OXSR1: variants seen among roughly 807,000 people sequenced by gnomAD.
OXSR1 encodes the protein serine/threonine-protein kinase OSR1.
OXSR1 carries 24 observed loss-of-function variants against 79.8 expected under a neutral mutation model. That is an observed-to-expected ratio of 0.30 (90% CI 0.22 to 0.42). The LOEUF (loss-of-function observed/expected upper bound fraction) is 0.42. Ranked by LOEUF, OXSR1 falls within the 10% of genes least tolerant of loss-of-function variation. The pLI, the probability that OXSR1 is intolerant of heterozygous loss-of-function variation, is 1.00. For missense variants in OXSR1, 430 were observed against 618.4 expected, an observed-to-expected ratio of 0.70 and a Z score of 3.23; for synonymous variants, 226 against 209.2, an observed-to-expected ratio of 1.08 and a Z score of -0.69.
chr3:38,252,237 T>C, intron 16 of OXSR1, 91 bp from the exon 17 acceptor site: 1 of 882,340 alleles, frequency 1.1e-6, no homozygotes, highest in Non-Finnish European at 1.9e-6. Flanking sequence ...ACGGAGCATA[T>C]TCTTAACTAC....
intron 15 of OXSR1, 23 bp from the exon 16 acceptor site, chr3:38,251,380 C>G (rs745461922): frequency 6.2e-7 from 1 of 1,602,982 alleles, no homozygotes; most frequent in East Asian, 2.2e-5. Context: ...AAAAACAGAG[C>G]ACTGTCTTCT....
chr3:38,204,461 G>A (rs1377003505), intron 4 of OXSR1, among the ~76,000 whole-genome samples: 1 of 152,048 alleles, frequency 6.6e-6, no homozygotes, highest in Admixed American at 6.5e-5. Context: ...AAGCCAGCAC[G>A]TCTCTGAGTC....
intron 15 of OXSR1, 23 bp from the exon 16 acceptor site, chr3:38,251,379 GC>G (rs777553270): frequency 6.2e-7 from 1 of 1,604,292 alleles, no homozygotes; most frequent in South Asian, 1.1e-5. Flanking sequence ...AAAAAACAGA[GC>G]ACTGTCTTCT....
intron 1 of OXSR1, among the ~76,000 whole-genome samples, chr3:38,180,684 C>G (rs1360108342): frequency 6.6e-6 from 1 of 151,852 alleles, no homozygotes; most frequent in Non-Finnish European, 1.5e-5. Flanking sequence ...GTGCACACCA[C>G]CACGCCCAGC....
At chr3:38,180,784 T>G (rs1299057029) in intron 1 of OXSR1, among the ~76,000 whole-genome samples, 2 of 152,104 alleles carry the variant, frequency 1.3e-5, no homozygotes, top group Non-Finnish European at 2.9e-5. Context: ...TCTGCTCACC[T>G]TGGCCTCCCA....
chr3:38,191,794 A>G (rs1701988967), intron 3 of OXSR1, among the ~76,000 whole-genome samples: 3 of 152,134 alleles, frequency 2.0e-5, no homozygotes, highest in Admixed American at 6.5e-5. Flanking sequence ...TAAGTCTTTT[A>G]TCTTAATGAT....
intron 11 of OXSR1, among the ~76,000 whole-genome samples, chr3:38,239,932 T>A (rs1356768848): frequency 1.3e-5 from 2 of 152,204 alleles, no homozygotes; most frequent in Non-Finnish European, 2.9e-5. Flanking sequence ...CTTCCAGGAA[T>A]CACTGTTTTT....
At chr3:38,168,648 G>A (rs1293679183) in intron 1 of OXSR1, among the ~76,000 whole-genome samples, 1 of 152,114 alleles carries the variant, frequency 6.6e-6, no homozygotes, top group African/African-American at 2.4e-5. Context: ...CCAGAAAGAT[G>A]CCTCATGTCC....
intron 4 of OXSR1, among the ~76,000 whole-genome samples, chr3:38,208,902 A>AAAAAAT (rs1204465238): frequency 6.6e-6 from 1 of 152,182 alleles, no homozygotes; most frequent in Non-Finnish European, 1.5e-5. Context: ...ACTCCATCTC[A>AAAAAAT]AAAAATAAAA....
Position 38,224,038 on chromosome 3 carries a change from T to C in OXSR1, c.702+125T>C, listed in dbSNP as rs188161418. The C allele has an allele frequency of 7.6e-5, 44 of 582,746 alleles. No individual in the cohort carries two copies. The East Asian group carries it at 1.2e-3, about 16-fold the overall frequency. The allele number at this position is 582,746 out of a possible 1,614,324, so 36.1% of individuals were successfully genotyped here. ...ACATAACATAAAATTGACCATCATC[T>C]TTAACCATTTTGAATATATAGTTCA... On this transcript the variant is annotated intron_variant, in intron 7 of 17. Coordinates refer to ENST00000311806, the MANE Select transcript of OXSR1 (RefSeq NM_005109.3).
intron 2 of OXSR1, 90 bp from the exon 3 acceptor site, chr3:38,190,641 T>C: frequency 1.4e-6 from 1 of 736,706 alleles, no homozygotes; most frequent in Admixed American, 2.1e-5. Context: ...TGTGACACAG[T>C]CTTGAGATTT....
At chr3:38,243,141 C>T (rs1313313846) in intron 12 of OXSR1, among the ~76,000 whole-genome samples, 1 of 151,836 alleles carries the variant, frequency 6.6e-6, no homozygotes. Context: ...TCAAGTGATC[C>T]TTCCACCTCA....
At chr3:38,172,979 T>C (rs1005712049) in intron 1 of OXSR1, among the ~76,000 whole-genome samples, 2 of 152,164 alleles carry the variant, frequency 1.3e-5, no homozygotes, top group African/African-American at 4.8e-5. Flanking sequence ...TTGTTCCACC[T>C]CTAGACTCAT....
chr3:38,214,440 A>G (rs889095050), intron 4 of OXSR1, among the ~76,000 whole-genome samples: 1 of 152,170 alleles, frequency 6.6e-6, no homozygotes, highest in South Asian at 2.1e-4. Flanking sequence ...CTCCTTGCTA[A>G]CATTATAGTA....
intron 10 of OXSR1, among the ~76,000 whole-genome samples, chr3:38,233,523 A>T (rs1702854683): frequency 6.6e-6 from 1 of 152,198 alleles, no homozygotes; most frequent in Non-Finnish European, 1.5e-5. Context: ...AATGTGAAAA[A>T]TAGAGGTCAA....
intron 2 of OXSR1, among the ~76,000 whole-genome samples, chr3:38,187,825 A>G (rs1344197713): frequency 2.0e-5 from 3 of 152,056 alleles, no homozygotes; most frequent in African/African-American, 4.8e-5. Context: ...GGCTTAAGGG[A>G]TCCTCCTACC....
At chr3:38,220,611 T>G (rs996285553) in intron 5 of OXSR1, among the ~76,000 whole-genome samples, 1 of 152,192 alleles carries the variant, frequency 6.6e-6, no homozygotes, top group East Asian at 1.9e-4. Context: ...CACTAGGAAA[T>G]ACACAGAATA....
At chr3:38,188,975 C>T (rs1049810971) in intron 2 of OXSR1, among the ~76,000 whole-genome samples, 3 of 152,090 alleles carry the variant, frequency 2.0e-5, no homozygotes, top group Admixed American at 1.3e-4. Context: ...ATACCTGGCA[C>T]GTAGTAGGGA....
intron 10 of OXSR1, among the ~76,000 whole-genome samples, chr3:38,231,753 A>G (rs1702811620): frequency 6.6e-6 from 1 of 152,098 alleles, no homozygotes; most frequent in South Asian, 2.1e-4. Flanking sequence ...TATGCTTATT[A>G]TTGTTTATAA....
Sources: gnomAD v4.1 joint callset for allele counts (sites outside exome capture counted in the v4.1 genomes callset) on GRCh38, gnomAD v4.1.1 for gene constraint, MANE v1.5 for transcripts, NCBI Gene and HGNC (gene_info 2026-07-23, HGNC 2026-07-21) for gene names.